The following USP15 variants were observed in gnomAD, a reference collection of about 807,000 sequenced individuals.
USP15 encodes the protein ubiquitin carboxyl-terminal hydrolase 15.
USP15 carries 18 observed loss-of-function variants against 127.1 expected under a neutral mutation model. That is an observed-to-expected ratio of 0.14 (90% CI 0.10 to 0.21). The LOEUF is 0.21. Ranked by LOEUF, USP15 falls within the 10% of genes least tolerant of loss-of-function variation. The pLI is 1.00. For synonymous variants in USP15, 364 were observed against 393.7 expected (o/e 0.92, Z 0.89); for missense variants, 805 against 1,159.9 (o/e 0.69, Z 4.44).
At chr12:62,266,456 G>T (rs933176628) in intron 1 of USP15, among the ~76,000 whole-genome samples, 1 of 152,026 alleles carries the variant, frequency 6.6e-6, no homozygotes, top group African/African-American at 2.4e-5. Flanking sequence ...AAGAATTTTT[G>T]AAGTGAAAGA....
At chr12:62,337,813 A>T (rs2065518619) in intron 6 of USP15, among the ~76,000 whole-genome samples, 1 of 152,102 alleles carries the variant, frequency 6.6e-6, no homozygotes, top group South Asian at 2.1e-4. Flanking sequence ...ACATGAACTC[A>T]TTCTTTTTTA....
At chr12:62,264,423 G>A (rs2137025344) in intron 1 of USP15, among the ~76,000 whole-genome samples, 2 of 152,292 alleles carry the variant, frequency 1.3e-5, no homozygotes, top group African/African-American at 4.8e-5. Flanking sequence ...ATTTTTATGT[G>A]TGATTATGTT....
chr12:62,293,083 C>G (rs1347400440), intron 1 of USP15, among the ~76,000 whole-genome samples: 1 of 152,138 alleles, frequency 6.6e-6, no homozygotes, highest in Non-Finnish European at 1.5e-5. Context: ...TCTGGTGTAA[C>G]ACCCTCAAGA....
At position 62,390,609 on chromosome 12, in the gene USP15, A is replaced by C. The variant is rs2137615296; in HGVS notation, c.1845-255A>C. On this transcript the variant is annotated intron_variant, in intron 14 of 21. Coordinates refer to ENST00000280377, the MANE Select transcript of USP15 (RefSeq NM_001252078.2). ...CAATATATACCATCTAAATAGGGTA[A>C]GTTGAGAAATTATTTGCAACAAACA... 1.3e-5 allele frequency among the ~76,000 whole-genome samples: 2 copies of C among 152,282 alleles called. 1 individual carries two copies. Among genetic ancestry groups the C allele is most frequent in the Admixed American group, 1.3e-4 (2 of 15,290 alleles).
At position 62,411,652 on chromosome 12, in the gene USP15, G is replaced by T. The variant is rs1309363275; in HGVS notation, c.*7277G>T. On this transcript the variant is annotated 3_prime_UTR_variant, in exon 22 of 22. Transcript: ENST00000280377. ...TTTTATGTGTTTGGATACTGTCATA[G>T]TCTGCTCAGGCTGCCATAACAAACA... The T allele has an allele frequency of 6.6e-6, 1 of 152,170 alleles. No individual in the cohort carries two copies. The highest frequency in any genetic ancestry group is 2.4e-5 in the African/African-American group (1 of 41,438). The allele number at this position is 152,170 out of a possible 1,614,324, so 9.4% of individuals were successfully genotyped here.
At chr12:62,315,137 T>C (rs1195341906) in intron 4 of USP15, 1 of 333,206 alleles carries the variant, frequency 3.0e-6, no homozygotes, top group Non-Finnish European at 5.2e-6. Flanking sequence ...TTTGCTTTTT[T>C]ATAAAACATC....
At position 62,413,116 on chromosome 12, in the gene USP15, T is replaced by C. The variant is rs2068076132; in HGVS notation, c.*8741T>C. 6.6e-6 allele frequency: 1 copy of C among 152,188 alleles called. No homozygotes were observed. The highest frequency in any genetic ancestry group is 2.4e-5 in the African/African-American group (1 of 41,466). 9.4% of individuals were successfully genotyped at this position (152,188 alleles called of 1,614,324 possible). A position where few individuals can be genotyped will look rare whatever the true frequency, so the allele number is the denominator to read the frequency against. On this transcript the variant is annotated 3_prime_UTR_variant, in exon 22 of 22. Transcript: ENST00000280377. ...TCCATAGAGCTCTTGGGTGACCAGG[T>C]GCACTTGTCAATGAGCAGTAATATT...
At chr12:62,287,124 A>G (rs900399785) in intron 1 of USP15, among the ~76,000 whole-genome samples, 7 of 152,104 alleles carry the variant, frequency 4.6e-5, no homozygotes, top group African/African-American at 1.7e-4. Context: ...CATTGGGTAT[A>G]CACGAACACA....
intron 1 of USP15, among the ~76,000 whole-genome samples, chr12:62,263,752 A>G (rs2063126765): frequency 6.6e-6 from 1 of 152,252 alleles, no homozygotes; most frequent in African/African-American, 2.4e-5. Flanking sequence ...TTCAATTTCA[A>G]CAAGAGATCA....
intron 7 of USP15, among the ~76,000 whole-genome samples, chr12:62,350,647 T>C (rs1431136900): frequency 6.6e-6 from 1 of 152,032 alleles, no homozygotes; most frequent in Non-Finnish European, 1.5e-5. Context: ...TTTTTTGAGG[T>C]AGGATCTCAC....
At chr12:62,349,413 A>C in intron 7 of USP15, 106 bp downstream of exon 7, 1 of 670,858 alleles carries the variant, frequency 1.5e-6, no homozygotes, top group Non-Finnish European at 2.2e-6. Flanking sequence ...ATGCATTAAA[A>C]TTGGTTTTCT....
In USP15 at chr12:62,405,052, A is replaced by G. The variant is rs2067822355; in HGVS notation, c.*677A>G. Reference sequence around the variant, plus strand: ...AGGTTCTAGATTTCATACTCCATCTAAAGTCATTTTTCAGTTACATGTAAG... The same window carrying G: ...AGGTTCTAGATTTCATACTCCATCTGAAGTCATTTTTCAGTTACATGTAAG... On this transcript the variant is annotated 3_prime_UTR_variant, in exon 22 of 22. Coordinates refer to ENST00000280377, the MANE Select transcript of USP15 (RefSeq NM_001252078.2). 1 of 152,086 alleles carries G rather than the reference A, an allele frequency of 6.6e-6. No homozygotes were observed. Among genetic ancestry groups the G allele is most frequent in the Non-Finnish European group, 1.5e-5 (1 of 67,976 alleles). 9.4% of individuals were successfully genotyped at this position (152,086 alleles called of 1,614,324 possible).
intron 8 of USP15, among the ~76,000 whole-genome samples, chr12:62,380,758 A>G (rs567158343): frequency 2.6e-5 from 4 of 152,172 alleles, no homozygotes; most frequent in African/African-American, 9.6e-5. Flanking sequence ...AATTATTCCA[A>G]CTTGAGATAA....
intron 9 of USP15, 42 bp downstream of exon 9, chr12:62,381,705 G>A (rs1339889250): frequency 2.5e-6 from 4 of 1,572,926 alleles, no homozygotes; most frequent in African/African-American, 2.7e-5. Flanking sequence ...ACCTGCAAGG[G>A]TACAAAAGTT....
intron 20 of USP15, among the ~76,000 whole-genome samples, chr12:62,400,057 A>G (rs1424687736): frequency 6.6e-6 from 1 of 152,192 alleles, no homozygotes; most frequent in Admixed American, 6.5e-5. Context: ...GATGGGAAGA[A>G]TTATTTAGAA....
intron 1 of USP15, among the ~76,000 whole-genome samples, chr12:62,278,891 T>C (rs1422262856): frequency 6.6e-6 from 1 of 152,126 alleles, no homozygotes; most frequent in Non-Finnish European, 1.5e-5. Flanking sequence ...AACAGAATCA[T>C]CGTATGGATA....
intron 1 of USP15, among the ~76,000 whole-genome samples, chr12:62,272,648 C>G (rs1456278739): frequency 6.6e-6 from 1 of 151,930 alleles, no homozygotes; most frequent in Non-Finnish European, 1.5e-5. Context: ...TTCTCCCTGC[C>G]AACTCCAAAA....
At chr12:62,329,604 A>G (rs2065227341) in intron 6 of USP15, among the ~76,000 whole-genome samples, 1 of 152,200 alleles carries the variant, frequency 6.6e-6, no homozygotes, top group Non-Finnish European at 1.5e-5. Context: ...AACAGAAACA[A>G]AGAACAATAG....
chr12:62,393,125 T>C lies in USP15; in HGVS notation c.2493T>C (p.Leu831=). Residue 831 remains leucine (L), a synonymous_variant, in exon 19 of 22, where the codon CTT becomes CTC. Coordinates refer to ENST00000280377, the MANE Select transcript of USP15 (RefSeq NM_001252078.2). ...KLDLWSLPPV[L]VVHLKRFSYS... is the part of the protein sequence containing the mutation. ...ATTTATGGTCCCTGCCTCCAGTACT[T>C]GTAGTACATCTCAAGCGATTTTCTT... The C allele has an allele frequency of 1.2e-6, 2 of 1,613,878 alleles. No homozygotes were observed. The highest frequency in any genetic ancestry group is 2.7e-5 in the African/African-American group (2 of 75,056).
Sources: allele counts gnomAD v4.1 joint callset (sites outside exome capture counted in the v4.1 genomes callset), GRCh38; gene constraint gnomAD v4.1.1; transcripts MANE v1.5; gene names NCBI Gene and HGNC (gene_info 2026-07-23, HGNC 2026-07-21).